The following EGF variants were observed in gnomAD, a reference collection of about 807,000 sequenced individuals.
EGF encodes the protein epidermal growth factor.
In EGF, 95 loss-of-function variants were observed where a neutral mutation model predicts 143.8. That is an observed-to-expected ratio of 0.66 (90% CI 0.56 to 0.78). The LOEUF (loss-of-function observed/expected upper bound fraction) is 0.78. Among genes scored for constraint, EGF ranks in the 30% least tolerant of loss-of-function variants. The probability of loss-of-function intolerance (pLI) is 0.00; values close to 1 mark genes in which losing one functional copy is unlikely to be tolerated. For synonymous variants in EGF, 510 were observed against 510.5 expected (o/e 1.00, Z 0.01); for missense variants, 1,320 against 1,470.9 (o/e 0.90, Z 1.68).
intron 16 of EGF, 56 bp downstream of exon 16, chr4:109,983,597 A>G: frequency 6.2e-7 from 1 of 1,610,166 alleles, no homozygotes; most frequent in Non-Finnish European, 8.5e-7. Flanking sequence ...CCATCCTACC[A>G]ATGAGAAATT....
intron 1 of EGF, among the ~76,000 whole-genome samples, chr4:109,920,718 C>A (rs1737626199): frequency 6.6e-6 from 1 of 151,570 alleles, no homozygotes; most frequent in Non-Finnish European, 1.5e-5. Flanking sequence ...TAAGAAAGAA[C>A]CAGAAACAAC....
chr4:109,919,545 A>G (rs1443391948), intron 1 of EGF, among the ~76,000 whole-genome samples: 2 of 152,106 alleles, frequency 1.3e-5, no homozygotes, highest in South Asian at 2.1e-4. Flanking sequence ...TGTGAGTTAT[A>G]CTATAGGTTG....
In EGF at chr4:110,011,411, C is replaced by G; in HGVS notation, c.3580C>G (p.Gln1194Glu). The G allele has an allele frequency of 6.2e-7, 1 of 1,614,184 alleles. No individual in the cohort carries two copies. Among genetic ancestry groups the G allele is most frequent in the East Asian group, 2.2e-5 (1 of 44,876 alleles). ...CCTATCAGCTAACCCATTATGGCAA[C>G]AAAGGGCCCTGGACCCACCACACCA... ...SLLSANPLWQ[Q>E]RALDPPHQME... The change falls in exon 24 of 24, where the codon CAA (glutamine) becomes GAA (glutamate). Residue 1194 changes from glutamine to glutamate, a missense_variant. Gln to Glu is a conservative substitution (Grantham distance 29). Transcript: ENST00000265171.
At chr4:110,010,782 G>A (rs1250302179) in intron 23 of EGF, among the ~76,000 whole-genome samples, 1 of 152,168 alleles carries the variant, frequency 6.6e-6, no homozygotes, top group African/African-American at 2.4e-5. Flanking sequence ...GGCTCAGGGT[G>A]GGGTGTGGTG....
At chr4:109,952,347 T>C (rs1256056194) in intron 5 of EGF, among the ~76,000 whole-genome samples, 1 of 152,242 alleles carries the variant, frequency 6.6e-6, no homozygotes, top group East Asian at 1.9e-4. Flanking sequence ...TATTTATTAC[T>C]AACACTGTGT....
rs1297059057 is a variant in EGF at position 110,012,275 on chromosome 4, T to G, written c.*820T>G. ...ATCACCAAAAACATAAACATTTTAT[T>G]GTATGCCTGATTAAGTAGTTAATTA... On this transcript the variant is annotated 3_prime_UTR_variant, in exon 24 of 24. Transcript: ENST00000265171. 6.6e-6 allele frequency: 1 copy of G among 152,216 alleles called. No homozygotes were observed. The highest frequency in any genetic ancestry group is 1.9e-4 in the East Asian group (1 of 5,202). The allele number at this position is 152,216 out of a possible 1,614,324, so 9.4% of individuals were successfully genotyped here.
chr4:109,948,188 C>A (rs951913285), intron 5 of EGF, among the ~76,000 whole-genome samples: 3 of 152,214 alleles, frequency 2.0e-5, no homozygotes, highest in Non-Finnish European at 2.9e-5. Context: ...GAGCCACAGA[C>A]AAATCTGGAA....
intron 5 of EGF, among the ~76,000 whole-genome samples, chr4:109,958,279 T>C (rs1360609441): frequency 6.6e-6 from 1 of 152,034 alleles, no homozygotes; most frequent in East Asian, 1.9e-4. Flanking sequence ...CTTTGTGGAA[T>C]TTTTTTTCCC....
chr4:109,960,746 C>A, intron 6 of EGF, 121 bp from the exon 7 acceptor site: 1 of 1,142,528 alleles, frequency 8.8e-7, no homozygotes, highest in Non-Finnish European at 1.3e-6. Flanking sequence ...ACAGACTTTC[C>A]ATGATCAATT....
rs371512157 is a variant in EGF at position 109,970,824 on chromosome 4, C to CAAAAAAAAAAAAAAA, written c.1724+1713_1724+1727dup. On this transcript the variant is annotated intron_variant, in intron 11 of 23. Transcript: ENST00000265171. ...TGGGTGGCAGAGCGAGACTCCGTCT[C>CAAAAAAAAAAAAAAA]AAAAAAAAAAAAAAAAAAAAAATCT... is the stretch of plus-strand genomic sequence containing the variant. 1.7e-3 allele frequency among the ~76,000 whole-genome samples: 125 copies of CAAAAAAAAAAAAAAA among 72,962 alleles called. 4 individuals are homozygous for CAAAAAAAAAAAAAAA. Among genetic ancestry groups the CAAAAAAAAAAAAAAA allele is most frequent in the African/African-American group, 6.5e-3 (119 of 18,198 alleles). The allele number at this position is 72,962 out of a possible 152,430, so 47.9% of individuals were successfully genotyped here.
intron 1 of EGF, among the ~76,000 whole-genome samples, chr4:109,914,669 C>T (rs1324837948): frequency 6.6e-6 from 1 of 152,160 alleles, no homozygotes; most frequent in African/African-American, 2.4e-5. Context: ...GTGTACTCAG[C>T]AAATTCTTGT....
intron 1 of EGF, among the ~76,000 whole-genome samples, chr4:109,933,898 T>G (rs990885111): frequency 1.3e-5 from 2 of 152,240 alleles, no homozygotes; most frequent in African/African-American, 4.8e-5. Context: ...TGCATATGTC[T>G]GTATAGTAGC....
In EGF at chr4:109,994,890, ACTGTCTTGCT is replaced by A. The variant is rs1217125451; in HGVS notation, c.3005+11_3005+20del. The A allele has an allele frequency of 6.2e-7, 1 of 1,614,078 alleles. No individual in the cohort carries two copies. The highest frequency in any genetic ancestry group is 8.5e-7 in the Non-Finnish European group (1 of 1,179,950). Reference sequence around the variant, plus strand: ...ACAAGTATGCATGCAAGTAAGTTAAACTGTCTTGCTGATGGCACAGAGAGATGCTATTCAG... The same window carrying A: ...ACAAGTATGCATGCAAGTAAGTTAAAGATGGCACAGAGAGATGCTATTCAG... On this transcript the variant is annotated intron_variant, in intron 20 of 23. Transcript: ENST00000265171.
intron 15 of EGF, 80 bp downstream of exon 15, chr4:109,981,055 G>A: frequency 1.3e-6 from 2 of 1,582,620 alleles, no homozygotes; most frequent in Non-Finnish European, 1.7e-6. Flanking sequence ...TGCTTTTGCT[G>A]ATTTTGAATA....
chr4:110,001,954 T>G, intron 21 of EGF: 1 of 985,436 alleles, frequency 1.0e-6, no homozygotes, highest in Non-Finnish European at 1.2e-6. Context: ...TTCAGCTATG[T>G]GCATAACTAC....
At chr4:109,914,693 G>A (rs1052516252) in intron 1 of EGF, among the ~76,000 whole-genome samples, 15 of 152,162 alleles carry the variant, frequency 9.9e-5, no homozygotes, top group African/African-American at 2.7e-4. Flanking sequence ...TGAATGAGGC[G>A]TCTTTCTCTG....
chr4:109,987,060 G>T (rs1232489398), intron 16 of EGF, among the ~76,000 whole-genome samples: 4 of 152,164 alleles, frequency 2.6e-5, no homozygotes, highest in Non-Finnish European at 4.4e-5. Context: ...GTCTTTGGGG[G>T]ATAAGAATAG....
chr4:109,913,759 G>T (rs1256830015), intron 1 of EGF, among the ~76,000 whole-genome samples: 3 of 152,046 alleles, frequency 2.0e-5, no homozygotes, highest in African/African-American at 7.2e-5. Context: ...CTGACAAGAG[G>T]AGTAATTAAC....
intron 2 of EGF, among the ~76,000 whole-genome samples, chr4:109,941,481 G>A (rs11568889): frequency 0.023 from 3,533 of 152,178 alleles, 130 homozygotes; most frequent in African/African-American, 0.079. Context: ...GCTCTCAGGT[G>A]GGGGGCAATT....
Sources: gnomAD v4.1 joint callset for allele counts (sites outside exome capture counted in the v4.1 genomes callset) on GRCh38, gnomAD v4.1.1 for gene constraint, MANE v1.5 for transcripts, NCBI Gene and HGNC (gene_info 2026-07-23, HGNC 2026-07-21) for gene names.